NDST4: variants seen among roughly 807,000 people sequenced by gnomAD.
NDST4 encodes N-heparan sulfate sulfotransferase 4.
A neutral mutation model predicts 100.8 loss-of-function variants in NDST4; 63 were observed. The observed-to-expected ratio is 0.62, with a 90% CI of 0.51 to 0.77. The LOEUF (loss-of-function observed/expected upper bound fraction) is 0.77. NDST4 is among the 30% of genes least tolerant of loss of function. NDST4 has a pLI of 0.00. For missense variants in NDST4, 943 were observed against 1,018.4 expected, an observed-to-expected ratio of 0.93 and a Z score of 1.01; for synonymous variants, 377 against 361.8, an observed-to-expected ratio of 1.04 and a Z score of -0.48.
chr4:114,868,445 G>T (rs1464927446), intron 7 of NDST4, among the ~76,000 whole-genome samples: 1 of 152,044 alleles, frequency 6.6e-6, no homozygotes, highest in Non-Finnish European at 1.5e-5. Flanking sequence ...CTAGTATTAT[G>T]CACTTTATTG....
chr4:114,902,567 C>T (rs1192741989), intron 6 of NDST4, among the ~76,000 whole-genome samples: 1 of 151,892 alleles, frequency 6.6e-6, no homozygotes. Flanking sequence ...ATTTATCCTC[C>T]TTGATATTCT....
chr4:114,904,418 G>T (rs550552598), intron 6 of NDST4, among the ~76,000 whole-genome samples: 4 of 151,920 alleles, frequency 2.6e-5, no homozygotes, highest in Admixed American at 6.6e-5. Context: ...TAATGTAATT[G>T]ATATTATTCT....
At chr4:115,020,446 G>A (rs1727784904) in intron 2 of NDST4, among the ~76,000 whole-genome samples, 1 of 152,080 alleles carries the variant, frequency 6.6e-6, no homozygotes, top group East Asian at 1.9e-4. Flanking sequence ...GAGGCTGCAT[G>A]GCTACTTTAA....
At position 114,870,944 on chromosome 4, in the gene NDST4, T is replaced by C. The variant is rs746990972; in HGVS notation, c.1543A>G (p.Ile515Val). The C allele has an allele frequency of 6.9e-6, 11 of 1,600,466 alleles. No homozygotes were observed. Among genetic ancestry groups the C allele is most frequent in the Middle Eastern group, 1.7e-4 (1 of 6,010 alleles). ...TAGTTTGATAAATGGGTCATGAAAA[T>C]GCTGATCTGAAAGATAAATAAAAAT... ...FLTILLNPIS[I>V]FMTHLSNYGN... Residue 515 changes from isoleucine (I) to valine (V), a missense_variant, in exon 7 of 14, where the codon ATT (isoleucine) becomes GTT (valine). By Grantham distance (29) the Ile-to-Val change is conservative. Transcript: ENST00000264363.
chr4:114,863,441 G>C (rs1866941), intron 7 of NDST4, among the ~76,000 whole-genome samples: 53,950 of 152,006 alleles, frequency 0.35, 11,457 homozygotes, highest in Non-Finnish European at 0.49. Flanking sequence ...GATTATGAAG[G>C]GTAAAGGATC....
chr4:115,014,228 C>T (rs186328715), intron 2 of NDST4, among the ~76,000 whole-genome samples: 89 of 152,202 alleles, frequency 5.8e-4, no homozygotes, highest in Non-Finnish European at 8.1e-4. Context: ...GCTATATCAA[C>T]TCTCCAGCCC....
chr4:114,960,375 A>G (rs949553767), intron 4 of NDST4, among the ~76,000 whole-genome samples: 25 of 152,096 alleles, frequency 1.6e-4, no homozygotes, highest in African/African-American at 5.8e-4. Flanking sequence ...TGGGAGGCCA[A>G]CGCGGGCAGA....
At chr4:114,899,172 G>A (rs75797670) in intron 6 of NDST4, among the ~76,000 whole-genome samples, 5 of 151,700 alleles carry the variant, frequency 3.3e-5, no homozygotes, top group Non-Finnish European at 5.9e-5. Context: ...GATTTTTATC[G>A]TTTTTTGTTT....
chr4:114,905,037 GCAAA>G (rs369587164), intron 6 of NDST4, among the ~76,000 whole-genome samples: 23 of 151,610 alleles, frequency 1.5e-4, no homozygotes, highest in African/African-American at 5.1e-4. Context: ...AGACAGATGA[GCAAA>G]CAAACAAACA....
intron 1 of NDST4, among the ~76,000 whole-genome samples, chr4:115,097,918 T>G (rs1376997382): frequency 1.3e-5 from 2 of 152,208 alleles, no homozygotes; most frequent in Non-Finnish European, 2.9e-5. Flanking sequence ...CTAGAATACT[T>G]GTGAACCAGA....
At chr4:114,924,611 C>T (rs1272315575) in intron 6 of NDST4, among the ~76,000 whole-genome samples, 3 of 151,998 alleles carry the variant, frequency 2.0e-5, no homozygotes, top group Non-Finnish European at 4.4e-5. Context: ...GCTTCAAAGT[C>T]CCTGTCTAGA....
At chr4:114,930,162 T>C (rs983861723) in intron 6 of NDST4, among the ~76,000 whole-genome samples, 1 of 152,210 alleles carries the variant, frequency 6.6e-6, no homozygotes, top group African/African-American at 2.4e-5. Context: ...TTTTAAAAAA[T>C]ATATACAAAA....
intron 5 of NDST4, among the ~76,000 whole-genome samples, chr4:114,935,683 G>A (rs1359652304): frequency 6.6e-6 from 1 of 152,110 alleles, no homozygotes; most frequent in Admixed American, 6.5e-5. Context: ...CATGCCATTA[G>A]GCCATTACTC....
rs551132919 is a variant in NDST4, at chr4:114,994,793, A to T, written c.979-17519T>A. ...ATCCTCTTGGGTTTAAAAAACATTA[A>T]TGGCTTTCATTTTTCCTGTTAATTA... On this transcript the variant is annotated intron_variant, in intron 2 of 13. Coordinates refer to ENST00000264363, the MANE Select transcript of NDST4 (RefSeq NM_022569.3). Among the ~76,000 whole-genome samples, 5 of 152,134 alleles carry T rather than the reference A, an allele frequency of 3.3e-5. No homozygotes were observed. The East Asian group carries it at 9.7e-4, about 29-fold the overall frequency.
At chr4:115,027,973 AAC>A (rs1470077945) in intron 2 of NDST4, among the ~76,000 whole-genome samples, 1 of 152,050 alleles carries the variant, frequency 6.6e-6, no homozygotes, top group African/African-American at 2.4e-5. Context: ...GAATCTCTTG[AAC>A]CCAGCAGGTG....
At chr4:114,890,999 T>A (rs1724582638) in intron 6 of NDST4, among the ~76,000 whole-genome samples, 1 of 152,034 alleles carries the variant, frequency 6.6e-6, no homozygotes, top group South Asian at 2.1e-4. Context: ...TGGCTTTGGG[T>A]TTGACCTCTA....
intron 1 of NDST4, among the ~76,000 whole-genome samples, chr4:115,111,902 C>T (rs1213562728): frequency 6.6e-6 from 1 of 151,640 alleles, no homozygotes; most frequent in Admixed American, 6.6e-5. Flanking sequence ...TATTGTCATA[C>T]GATTTCTTAT....
At chr4:114,878,897 A>G (rs920899854) in intron 6 of NDST4, among the ~76,000 whole-genome samples, 28 of 152,032 alleles carry the variant, frequency 1.8e-4, no homozygotes, top group African/African-American at 6.8e-4. Flanking sequence ...TATCGTCTGT[A>G]TATACCAAGG....
At position 115,100,534 on chromosome 4, in the gene NDST4, T is replaced by G. The variant is rs551493927; in HGVS notation, c.-247+12910A>C. On this transcript the variant is annotated intron_variant, in intron 1 of 13. Transcript: ENST00000264363. ...TTTATATATAACTTTCTAGCTCTTATAAATTTGTAGCCCTATGTGGGCTAC... is the reference window on the plus strand; with the variant it reads ...TTTATATATAACTTTCTAGCTCTTAGAAATTTGTAGCCCTATGTGGGCTAC... Among the ~76,000 whole-genome samples, 3 of 152,124 alleles carry G rather than the reference T, an allele frequency of 2.0e-5. No individual in the cohort carries two copies. In the South Asian group the frequency reaches 6.2e-4, roughly 31 times the overall value.
Sources: gnomAD v4.1 joint callset for allele counts (sites outside exome capture counted in the v4.1 genomes callset) on GRCh38, gnomAD v4.1.1 for gene constraint, MANE v1.5 for transcripts, NCBI Gene and HGNC (gene_info 2026-07-23, HGNC 2026-07-21) for gene names.